CNTN5: variants seen among roughly 807,000 people sequenced by gnomAD.
CNTN5 encodes contactin 5.
Under a neutral mutation model 129.1 loss-of-function variants are expected in CNTN5, and 77 were observed. The ratio of observed to expected loss-of-function variants is 0.60; its 90% CI spans 0.50 to 0.72. The LOEUF is 0.72. Ranked by LOEUF, CNTN5 falls within the 30% of genes least tolerant of loss-of-function variation. The pLI is 0.00. For synonymous variants in CNTN5, 509 were observed against 465.6 expected (o/e 1.09, Z -1.20); for missense variants, 1,478 against 1,328.8 (o/e 1.11, Z -1.75).
chr11:99,784,404 G>A (rs1322931304), intron 3 of CNTN5, among the ~76,000 whole-genome samples: 1 of 151,950 alleles, frequency 6.6e-6, no homozygotes, highest in Non-Finnish European at 1.5e-5. Flanking sequence ...GCGGTGTTTG[G>A]TGTATGTTCC....
At chr11:100,330,624 T>C (rs1951887834) in intron 21 of CNTN5, among the ~76,000 whole-genome samples, 1 of 149,172 alleles carries the variant, frequency 6.7e-6, no homozygotes, top group Non-Finnish European at 1.5e-5. Context: ...CAACAGCAAA[T>C]TTATCAGCAG....
At chr11:99,555,354 G>A (rs1282863842) in intron 2 of CNTN5, among the ~76,000 whole-genome samples, 2 of 151,966 alleles carry the variant, frequency 1.3e-5, no homozygotes, top group African/African-American at 2.4e-5. Flanking sequence ...GGAGGTACTT[G>A]TGGATTACAG....
At chr11:99,710,601 GTATGTA>G (rs1565450010) in intron 3 of CNTN5, among the ~76,000 whole-genome samples, 7 of 124,384 alleles carry the variant, frequency 5.6e-5, no homozygotes, top group Non-Finnish European at 8.7e-5. Flanking sequence ...GTGTGTGTGT[GTATGTA>G]TGTATGTATG....
At chr11:99,207,491 C>A (rs1859543192) in intron 1 of CNTN5, among the ~76,000 whole-genome samples, 2 of 152,162 alleles carry the variant, frequency 1.3e-5, no homozygotes, top group African/African-American at 4.8e-5. Context: ...GGCAGAAATT[C>A]AGGCCCATGA....
intron 8 of CNTN5, among the ~76,000 whole-genome samples, chr11:99,994,191 TA>T (rs1410352213): frequency 1.3e-5 from 2 of 152,148 alleles, no homozygotes; most frequent in Admixed American, 1.3e-4. Flanking sequence ...CTTTGCAATT[TA>T]TAAATGTAAT....
intron 3 of CNTN5, among the ~76,000 whole-genome samples, chr11:99,778,436 A>G (rs1267155059): frequency 6.6e-6 from 1 of 151,876 alleles, no homozygotes; most frequent in Non-Finnish European, 1.5e-5. Context: ...TTTCTTAACT[A>G]TTATATGCTT....
At chr11:99,967,827 T>C (rs1470484490) in intron 8 of CNTN5, among the ~76,000 whole-genome samples, 1 of 152,162 alleles carries the variant, frequency 6.6e-6, no homozygotes, top group Non-Finnish European at 1.5e-5. Context: ...ATTTTGTACC[T>C]TCATTTTTCC....
At chr11:99,610,410 G>A (rs1238980997) in intron 3 of CNTN5, among the ~76,000 whole-genome samples, 1 of 152,136 alleles carries the variant, frequency 6.6e-6, no homozygotes, top group East Asian at 1.9e-4. Context: ...ATAACATGAT[G>A]AGAAATAATG....
intron 9 of CNTN5, among the ~76,000 whole-genome samples, chr11:100,050,652 GAA>G (rs938296754): frequency 6.7e-6 from 1 of 150,230 alleles, no homozygotes; most frequent in Non-Finnish European, 1.5e-5. Flanking sequence ...AAAGAAATGA[GAA>G]AAAAAAGACC....
chr11:99,433,605 G>A (rs1943487329), intron 2 of CNTN5, among the ~76,000 whole-genome samples: 1 of 152,156 alleles, frequency 6.6e-6, no homozygotes, highest in South Asian at 2.1e-4. Flanking sequence ...TTCAGTTAAA[G>A]TATTGCCGAA....
chr11:99,689,400 G>A (rs990697883), intron 3 of CNTN5, among the ~76,000 whole-genome samples: 13 of 151,784 alleles, frequency 8.6e-5, no homozygotes, highest in East Asian at 1.9e-4. Flanking sequence ...GGTGGTGGGC[G>A]CCTGTAGTCC....
chr11:99,889,838 T>C (rs996142737), intron 6 of CNTN5, among the ~76,000 whole-genome samples: 1 of 152,194 alleles, frequency 6.6e-6, no homozygotes, highest in Non-Finnish European at 1.5e-5. Context: ...TGAGCCACCA[T>C]GCCTGGTCTA....
chr11:99,982,402 G>T (rs1012914491), intron 8 of CNTN5, among the ~76,000 whole-genome samples: 1 of 152,134 alleles, frequency 6.6e-6, no homozygotes, highest in Non-Finnish European at 1.5e-5. Context: ...ATGGATTGGG[G>T]TAAAAAGACA....
At chr11:99,370,832 A>G (rs1415262406) in intron 2 of CNTN5, among the ~76,000 whole-genome samples, 1 of 152,226 alleles carries the variant, frequency 6.6e-6, no homozygotes, top group African/African-American at 2.4e-5. Flanking sequence ...TTTGGAGAAG[A>G]CTAGAATATT....
chr11:100,146,778 T>A (rs918552078), intron 13 of CNTN5, among the ~76,000 whole-genome samples: 1 of 152,162 alleles, frequency 6.6e-6, no homozygotes, highest in African/African-American at 2.4e-5. Flanking sequence ...TAAAGGGATA[T>A]AAATGATTAG....
At chr11:99,728,760 A>AG (rs1173852066) in intron 3 of CNTN5, among the ~76,000 whole-genome samples, 1 of 152,158 alleles carries the variant, frequency 6.6e-6, no homozygotes. Flanking sequence ...GCTTTGCTGA[A>AG]GGGGAGCAAA....
chr11:100,259,202 G>A (rs189044274), intron 17 of CNTN5, among the ~76,000 whole-genome samples: 5 of 151,936 alleles, frequency 3.3e-5, no homozygotes, highest in African/African-American at 1.2e-4. Context: ...ACAAAGAAGG[G>A]TATTACATAA....
At chr11:99,492,680 A>T (rs1359054533) in intron 2 of CNTN5, among the ~76,000 whole-genome samples, 1 of 152,160 alleles carries the variant, frequency 6.6e-6, no homozygotes, top group Non-Finnish European at 1.5e-5. Flanking sequence ...ACACATTAAC[A>T]AGAGAAAAAC....
intron 1 of CNTN5, among the ~76,000 whole-genome samples, chr11:99,269,212 C>T (rs1355142730): frequency 1.3e-5 from 2 of 151,750 alleles, no homozygotes; most frequent in African/African-American, 2.4e-5. Context: ...TTGTTAAATC[C>T]TTTTCTGTCT....
Sources: allele counts gnomAD v4.1 joint callset (sites outside exome capture counted in the v4.1 genomes callset), GRCh38; gene constraint gnomAD v4.1.1; transcripts MANE v1.5; gene names NCBI Gene and HGNC (gene_info 2026-07-23, HGNC 2026-07-21).